Variants in SYT1 observed in about 807,000 individuals in gnomAD.
SYT1 encodes synaptotagmin-1.
A neutral mutation model predicts 44.8 loss-of-function variants in SYT1; 8 were observed. That is an observed-to-expected ratio of 0.18 (90% CI 0.10 to 0.32). The LOEUF is 0.32. SYT1 is among the 10% of genes least tolerant of loss of function. The pLI is 1.00. For synonymous variants in SYT1, 154 were observed against 188.8 expected (o/e 0.82, Z 1.51); for missense variants, 286 against 509.3 (o/e 0.56, Z 4.22).
chr12:78,876,920 TA>T (rs1874199286), intron 1 of SYT1, among the ~76,000 whole-genome samples: 1 of 116,628 alleles, frequency 8.6e-6, no homozygotes, highest in East Asian at 2.2e-4. Flanking sequence ...GTATTATATA[TA>T]ATATATATTA....
chr12:78,929,562 C>G (rs1877518101), intron 1 of SYT1, among the ~76,000 whole-genome samples: 1 of 150,972 alleles, frequency 6.6e-6, no homozygotes, highest in Non-Finnish European at 1.5e-5. Context: ...CAGTTATTAC[C>G]TGTCTGAGTA....
intron 8 of SYT1, among the ~76,000 whole-genome samples, chr12:79,342,632 G>A (rs1056711190): frequency 1.1e-4 from 17 of 152,212 alleles, no homozygotes; most frequent in African/African-American, 3.1e-4. Flanking sequence ...TGATCACATG[G>A]TGAAGACTAT....
intron 3 of SYT1, among the ~76,000 whole-genome samples, chr12:79,071,946 C>G (rs1876309977): frequency 6.6e-6 from 1 of 152,118 alleles, no homozygotes; most frequent in East Asian, 1.9e-4. Flanking sequence ...CAACACAAAA[C>G]ACTTACTCAG....
chr12:79,121,415 T>G (rs1450891111), intron 3 of SYT1, among the ~76,000 whole-genome samples: 3 of 152,194 alleles, frequency 2.0e-5, no homozygotes, highest in African/African-American at 4.8e-5. Flanking sequence ...TGAATAATCT[T>G]AAATAAAATG....
At chr12:78,972,376 T>C (rs911685669) in intron 1 of SYT1, among the ~76,000 whole-genome samples, 2 of 152,062 alleles carry the variant, frequency 1.3e-5, no homozygotes, top group African/African-American at 4.8e-5. Flanking sequence ...GTTCACTGAA[T>C]CTTTTAACCT....
At chr12:79,120,946 T>G (rs1051966596) in intron 3 of SYT1, among the ~76,000 whole-genome samples, 1 of 146,344 alleles carries the variant, frequency 6.8e-6, no homozygotes, top group Non-Finnish European at 1.5e-5. Flanking sequence ...TATCTATATA[T>G]ATATATAGAT....
chr12:79,207,986 A>G (rs1280740560), intron 3 of SYT1, among the ~76,000 whole-genome samples: 3 of 152,200 alleles, frequency 2.0e-5, no homozygotes, highest in African/African-American at 7.2e-5. Flanking sequence ...AGCTACTTAA[A>G]CAGTTTAACC....
intron 9 of SYT1, among the ~76,000 whole-genome samples, chr12:79,369,908 T>G (rs1010171151): frequency 1.3e-5 from 2 of 152,238 alleles, no homozygotes; most frequent in African/African-American, 4.8e-5. Flanking sequence ...ACAAGCAAGA[T>G]AACAAGAATG....
At chr12:79,387,171 T>C (rs1884468258) in intron 9 of SYT1, among the ~76,000 whole-genome samples, 1 of 152,186 alleles carries the variant, frequency 6.6e-6, no homozygotes, top group South Asian at 2.1e-4. Context: ...TTACCCACCT[T>C]GTAATCTTCA....
chr12:79,041,859 T>C (rs1250979940), intron 2 of SYT1, among the ~76,000 whole-genome samples: 4 of 152,064 alleles, frequency 2.6e-5, no homozygotes, highest in Admixed American at 2.6e-4. Context: ...TGTCAAAGGC[T>C]TTTTCTGCAA....
intron 4 of SYT1, among the ~76,000 whole-genome samples, chr12:79,269,502 C>T (rs1255575129): frequency 6.6e-6 from 1 of 152,068 alleles, no homozygotes; most frequent in African/African-American, 2.4e-5. Flanking sequence ...TTTAAACACA[C>T]AGCAGATTGT....
rs141068914 is a variant in SYT1 at position 79,023,445 on chromosome 12, G to C, written c.-83-23852G>C. Among the ~76,000 whole-genome samples the C allele has an allele frequency of 2.0e-5, 3 of 151,810 alleles. No individual in the cohort carries two copies. The East Asian group carries it at 5.9e-4, about 30-fold the overall frequency. ...GGATGTCTGACCCACAGCAGGAAAA[G>C]TCAAAGGTGGGGATATTGTGACTGA... On this transcript the variant is annotated intron_variant, in intron 2 of 10. Transcript: ENST00000261205.
chr12:79,389,553 G>A (rs1884571435), intron 9 of SYT1, among the ~76,000 whole-genome samples: 3 of 152,174 alleles, frequency 2.0e-5, no homozygotes, highest in African/African-American at 4.8e-5. Context: ...TACAGAGGAG[G>A]AAACTAAAAT....
At chr12:79,293,060 C>T (rs915971989) in intron 6 of SYT1, among the ~76,000 whole-genome samples, 7 of 151,600 alleles carry the variant, frequency 4.6e-5, no homozygotes, top group Non-Finnish European at 1.0e-4. Flanking sequence ...GGCCTGTAAT[C>T]CCAGCACTTT....
chr12:78,880,777 C>T (rs111844737), intron 1 of SYT1, among the ~76,000 whole-genome samples: 2,156 of 151,354 alleles, frequency 0.014, 59 homozygotes, highest in African/African-American at 0.05. Context: ...AATAAGAAGG[C>T]CAAAATGACT....
chr12:79,398,623 T>A (rs1884960144), intron 9 of SYT1, among the ~76,000 whole-genome samples: 2 of 152,208 alleles, frequency 1.3e-5, no homozygotes, highest in Admixed American at 6.5e-5. Context: ...GACTTTAAAA[T>A]GCATTTAAAA....
At chr12:79,319,309 A>G (rs1881246634) in intron 8 of SYT1, among the ~76,000 whole-genome samples, 1 of 152,154 alleles carries the variant, frequency 6.6e-6, no homozygotes, top group East Asian at 1.9e-4. Flanking sequence ...CTCAGTGTGT[A>G]ACTCATTTAC....
intron 1 of SYT1, among the ~76,000 whole-genome samples, chr12:78,966,249 ATTTG>A (rs930454090): frequency 6.6e-5 from 10 of 151,596 alleles, no homozygotes; most frequent in African/African-American, 9.7e-5. Context: ...TTATTTGTTT[ATTTG>A]TTTATTTTTT....
intron 2 of SYT1, among the ~76,000 whole-genome samples, chr12:78,986,300 A>T (rs972144646): frequency 5.9e-5 from 9 of 151,982 alleles, no homozygotes; most frequent in Middle Eastern, 3.2e-3. Flanking sequence ...ATAAACCATT[A>T]GTTTGTAGAT....
Sources: allele counts gnomAD v4.1 joint callset (sites outside exome capture counted in the v4.1 genomes callset), GRCh38; gene constraint gnomAD v4.1.1; transcripts MANE v1.5; gene names NCBI Gene and HGNC (gene_info 2026-07-23, HGNC 2026-07-21).